TRPC6: variants seen among roughly 807,000 people sequenced by gnomAD.
The protein encoded by TRPC6 is transient receptor potential cation channel subfamily C member 6, also known as short transient receptor potential channel 6.
A neutral mutation model predicts 90.7 loss-of-function variants in TRPC6; 55 were observed. The observed-to-expected ratio is 0.61, with a 90% CI of 0.49 to 0.76. The LOEUF (loss-of-function observed/expected upper bound fraction) is 0.76. Among genes scored for constraint, TRPC6 ranks in the 30% least tolerant of loss-of-function variants. The probability of loss-of-function intolerance (pLI) is 0.00; values close to 1 mark genes in which losing one functional copy is unlikely to be tolerated. For missense variants in TRPC6, 989 were observed against 1,122.7 expected (o/e 0.88, Z 1.70); for synonymous variants, 393 against 393.0 (o/e 1.00, Z 0.00).
intron 1 of TRPC6, among the ~76,000 whole-genome samples, chr11:101,530,845 G>C (rs1485643769): frequency 6.6e-6 from 1 of 152,060 alleles, no homozygotes; most frequent in African/African-American, 2.4e-5. Context: ...TAAATAAATA[G>C]AAATCATAAA....
intron 1 of TRPC6, among the ~76,000 whole-genome samples, chr11:101,576,351 T>G (rs1280559597): frequency 6.6e-6 from 1 of 152,212 alleles, no homozygotes; most frequent in Non-Finnish European, 1.5e-5. Context: ...GTTAACATCA[T>G]TTCTCCTCTT....
intron 10 of TRPC6, among the ~76,000 whole-genome samples, chr11:101,466,347 G>C (rs1337505642): frequency 6.6e-6 from 1 of 152,236 alleles, no homozygotes; most frequent in Non-Finnish European, 1.5e-5. Context: ...AGGGAGATGA[G>C]GGTTTTATCT....
rs1859154426 is a variant in TRPC6, at chr11:101,466,720, T to G, written c.2484+2707A>C. On this transcript the variant is annotated intron_variant, in intron 10 of 12. Transcript: ENST00000344327. ...CCCTTTCCAGGGGAGTGAATGGTTCTGTCTCACTGGTATTCCAGGCACCAC... is the reference window on the plus strand; with the variant it reads ...CCCTTTCCAGGGGAGTGAATGGTTCGGTCTCACTGGTATTCCAGGCACCAC... 1.3e-5 allele frequency among the ~76,000 whole-genome samples: 2 copies of G among 152,124 alleles called. 1 individual carries two copies. The highest frequency in any genetic ancestry group is 4.1e-4 in the South Asian group (2 of 4,820).
At chr11:101,538,924 G>A (rs1170437730) in intron 1 of TRPC6, among the ~76,000 whole-genome samples, 2 of 152,154 alleles carry the variant, frequency 1.3e-5, no homozygotes, top group African/African-American at 4.8e-5. Flanking sequence ...ACATGGAAGT[G>A]AACTATTTCT....
At chr11:101,492,083 C>T (rs1299521122) in intron 2 of TRPC6, among the ~76,000 whole-genome samples, 2 of 151,912 alleles carry the variant, frequency 1.3e-5, no homozygotes, top group Non-Finnish European at 2.9e-5. Context: ...TCATGATCCG[C>T]CCGCCTCGGC....
chr11:101,521,249 G>T (rs545887647), intron 1 of TRPC6, among the ~76,000 whole-genome samples: 1 of 152,080 alleles, frequency 6.6e-6, no homozygotes, highest in African/African-American at 2.4e-5. Flanking sequence ...TGCAACCTCA[G>T]GACACTGCTC....
rs1862255130 is a variant in TRPC6, at chr11:101,583,589, G to A, written c.-86C>T. 2 of 1,371,568 alleles carry A rather than the reference G, an allele frequency of 1.5e-6. No homozygotes were observed. Among genetic ancestry groups the A allele is most frequent in the Admixed American group, 3.1e-5 (1 of 31,946 alleles). The allele number at this position is 1,371,568 out of a possible 1,614,324, so 85.0% of individuals were successfully genotyped here. ...CGGGGACCCGGTGCGGAGGGTTCGCGTCAGCGGCCGAACTGGACCTGGGCA... is the reference window on the plus strand; with the variant it reads ...CGGGGACCCGGTGCGGAGGGTTCGCATCAGCGGCCGAACTGGACCTGGGCA... On this transcript the variant is annotated 5_prime_UTR_variant, in exon 1 of 13. The change creates a new upstream start codon in the 5' untranslated region. Transcript: ENST00000344327.
At chr11:101,528,154 A>C (rs1011003101) in intron 1 of TRPC6, among the ~76,000 whole-genome samples, 3 of 152,218 alleles carry the variant, frequency 2.0e-5, no homozygotes, top group Non-Finnish European at 2.9e-5. Context: ...AATATGAATA[A>C]ATAAATCTAT....
intron 1 of TRPC6, among the ~76,000 whole-genome samples, chr11:101,511,475 T>C (rs1371057570): frequency 1.3e-5 from 2 of 152,096 alleles, no homozygotes; most frequent in African/African-American, 4.8e-5. Flanking sequence ...TTGTTCCCTA[T>C]TAACCTGACT....
intron 2 of TRPC6, among the ~76,000 whole-genome samples, chr11:101,495,456 T>C (rs1216986500): frequency 6.6e-6 from 1 of 151,950 alleles, no homozygotes; most frequent in African/African-American, 2.4e-5. Context: ...AGATAAATGA[T>C]ATAGTATCTT....
At chr11:101,469,228 C>T (rs1859227257) in intron 10 of TRPC6, among the ~76,000 whole-genome samples, 199 bp downstream of exon 10, 1 of 152,194 alleles carries the variant, frequency 6.6e-6, no homozygotes, top group Non-Finnish European at 1.5e-5. Flanking sequence ...CTTAAATGTA[C>T]ATGCTATTCT....
intron 1 of TRPC6, among the ~76,000 whole-genome samples, chr11:101,545,741 G>A (rs1005121770): frequency 2.0e-5 from 3 of 152,078 alleles, no homozygotes; most frequent in Non-Finnish European, 2.9e-5. Context: ...TAATTTTTAG[G>A]TAGATGATGG....
At chr11:101,580,081 G>A (rs980625759) in intron 1 of TRPC6, among the ~76,000 whole-genome samples, 1 of 152,046 alleles carries the variant, frequency 6.6e-6, no homozygotes, top group African/African-American at 2.4e-5. Flanking sequence ...TTTTCAGATT[G>A]TCTCAGTCAG....
chr11:101,476,367 C>T lies in TRPC6; in HGVS notation c.1678G>A (p.Ala560Thr), dbSNP rs199892792. Residue 560 changes from alanine (A) to threonine (T), a missense_variant, in exon 6 of 13, where the codon GCA (alanine) becomes ACA (threonine). This residue lies in a region of TRPC6 where 486 missense variants were observed against 591.9 expected (regional missense o/e 0.82). Transcript: ENST00000344327. ...HASKAQSIID[A>T]NDTLKDLTKV... ...GTCAAGTCCTTCAAAGTATCATTTG[C>T]GTCAATGATGCTCTGGGCTTTGGAA... The T allele has an allele frequency of 1.9e-4, 299 of 1,613,926 alleles. No homozygotes were observed. The highest frequency in any genetic ancestry group is 4.9e-4 in the East Asian group (22 of 44,888).
chr11:101,524,642 ACT>A (rs1860737134), intron 1 of TRPC6, among the ~76,000 whole-genome samples: 1 of 152,218 alleles, frequency 6.6e-6, no homozygotes. Flanking sequence ...TGATTTCAGC[ACT>A]CTGTTTTTTC....
intron 1 of TRPC6, among the ~76,000 whole-genome samples, chr11:101,523,583 C>G (rs1343836476): frequency 6.6e-6 from 1 of 152,070 alleles, no homozygotes; most frequent in Non-Finnish European, 1.5e-5. Flanking sequence ...TTGGAAGAAA[C>G]CAATTTCAAA....
chr11:101,459,144 A>G (rs543947617), intron 10 of TRPC6, among the ~76,000 whole-genome samples: 2 of 152,338 alleles, frequency 1.3e-5, no homozygotes, highest in African/African-American at 4.8e-5. Flanking sequence ...GGCAGGGGAA[A>G]AGAGATACTT....
At chr11:101,568,822 G>C (rs972610235) in intron 1 of TRPC6, among the ~76,000 whole-genome samples, 3 of 152,114 alleles carry the variant, frequency 2.0e-5, no homozygotes, top group Non-Finnish European at 4.4e-5. Flanking sequence ...CTGAGAGATT[G>C]TGTCACCACC....
intron 1 of TRPC6, among the ~76,000 whole-genome samples, chr11:101,538,647 T>C (rs180713188): frequency 1.3e-5 from 2 of 152,296 alleles, no homozygotes; most frequent in Admixed American, 1.3e-4. Flanking sequence ...TCTAATCACA[T>C]GAGCCCTTAA....
Sources: gnomAD v4.1 joint callset for allele counts (sites outside exome capture counted in the v4.1 genomes callset) on GRCh38, gnomAD v4.1.1 for gene constraint, gnomAD v4.1.1 regional missense constraint, MANE v1.5 for transcripts, NCBI Gene and HGNC (gene_info 2026-07-23, HGNC 2026-07-21) for gene names.